The following SBNO2 variants were observed in gnomAD, a reference collection of about 807,000 sequenced individuals.
The protein encoded by SBNO2 is strawberry notch homolog 2.
In SBNO2, 89 loss-of-function variants were observed where a neutral mutation model predicts 146.3. The observed-to-expected ratio is 0.61, with a 90% CI of 0.51 to 0.73. SBNO2 has a LOEUF of 0.73. Among genes scored for constraint, SBNO2 ranks in the 30% least tolerant of loss-of-function variants. The pLI is 0.00. For missense variants in SBNO2, 2,092 were observed against 2,003.7 expected (o/e 1.04, Z -0.84); for synonymous variants, 1,147 against 892.6 (o/e 1.29, Z -5.08).
chr19:1,149,126 C>G (rs988848541), intron 3 of SBNO2, among the ~76,000 whole-genome samples: 22 of 142,642 alleles, frequency 1.5e-4, no homozygotes, highest in Non-Finnish European at 3.2e-4. Flanking sequence ...CCTCCCCGCC[C>G]TCTACCAAGC....
intron 3 of SBNO2, 39 bp downstream of exon 3, chr19:1,149,330 C>G (rs1463391719): frequency 3.9e-6 from 6 of 1,529,804 alleles, no homozygotes; most frequent in Non-Finnish European, 5.3e-6. Context: ...TCAGAATGAG[C>G]AAGCCTGGGG....
Position 1,136,643 on chromosome 19 carries a change from C to T in SBNO2, c.280-8878G>A, listed in dbSNP as rs538140404. ...AATCCCCCTCTCCCTCTCCCTCCTT[C>T]GCTCCCTCATCTCTCTCCCTCTTTT... On this transcript the variant is annotated intron_variant, in intron 4 of 31. Transcript: ENST00000361757. This position sits in a 1 kb window ranked among gnomAD's most constrained non-coding sequence, Gnocchi z 4.2. Among the ~76,000 whole-genome samples the T allele has an allele frequency of 4.5e-4, 69 of 152,338 alleles. No individual in the cohort carries two copies. Among genetic ancestry groups the T allele is most frequent in the East Asian group, 1.9e-4 (1 of 5,186 alleles).
chr19:1,123,455 G>A, intron 7 of SBNO2, 79 bp downstream of exon 7: 3 of 1,187,794 alleles, frequency 2.5e-6, no homozygotes, highest in Admixed American at 1.7e-5. Flanking sequence ...GGCTGTGCGG[G>A]CGGTGGTCAC....
At chr19:1,138,934 G>A (rs1321584239) in intron 4 of SBNO2, among the ~76,000 whole-genome samples, 3 of 149,308 alleles carry the variant, frequency 2.0e-5, no homozygotes, top group African/African-American at 7.4e-5. Flanking sequence ...GACACAGTGG[G>A]GCCCTCCACA....
chr19:1,116,141 G>A, intron 16 of SBNO2, 38 bp from the exon 17 acceptor site: 1 of 1,573,536 alleles, frequency 6.4e-7, no homozygotes, highest in Middle Eastern at 1.8e-4. Context: ...CACACGAGGA[G>A]CTGAGGCCAG....
Position 1,119,586 on chromosome 19 carries a change from G to A in SBNO2, c.1303C>T (p.Arg435Cys). 3 of 1,611,322 alleles carry A rather than the reference G, an allele frequency of 1.9e-6. No homozygotes were observed. The highest frequency in any genetic ancestry group is 2.5e-6 in the Non-Finnish European group (3 of 1,179,018). The change falls in exon 13 of 32, where the codon CGC (arginine) becomes TGC (cysteine). Residue 435 changes from arginine to cysteine, a missense_variant. Physicochemically the swap from Arg to Cys is radical, Grantham distance 180. Coordinates refer to ENST00000361757, the MANE Select transcript of SBNO2 (RefSeq NM_014963.3). ...GTGCCCTCGCCCCAGATACCCAAGC[G>A]GCTCATGTAGATCATGTTCCGAGGC... ...SEPRNMIYMSRLGIWGEGTPF... is the reference protein window; with the variant it reads ...SEPRNMIYMSCLGIWGEGTPF...
chr19:1,130,371 C>T (rs553107543), intron 4 of SBNO2, among the ~76,000 whole-genome samples: 1 of 152,220 alleles, frequency 6.6e-6, no homozygotes, highest in African/African-American at 2.4e-5. Context: ...GGGGGGAGCT[C>T]ACGTCTGCTA....
chr19:1,145,866 GC>G (rs1333924361), intron 4 of SBNO2, among the ~76,000 whole-genome samples: 1 of 152,114 alleles, frequency 6.6e-6, no homozygotes, highest in Non-Finnish European at 1.5e-5. Flanking sequence ...GAGCAGGGGC[GC>G]CCCCCTCCCC....
chr19:1,147,527 C>A (rs1015892711), intron 3 of SBNO2, 107 bp from the exon 4 acceptor site: 2 of 612,446 alleles, frequency 3.3e-6, no homozygotes, highest in African/African-American at 1.9e-5. Context: ...CGAGGCCCCA[C>A]TGGAGTGTGC....
intron 14 of SBNO2, among the ~76,000 whole-genome samples, chr19:1,118,478 T>G (rs986351302): frequency 6.6e-6 from 1 of 152,130 alleles, no homozygotes; most frequent in Non-Finnish European, 1.5e-5. Flanking sequence ...GGCTACCAAC[T>G]GCCAGCTGTG....
In SBNO2 at chr19:1,108,530, G is replaced by A. The variant is rs887590149; in HGVS notation, c.3791C>T (p.Pro1264Leu). The A allele has an allele frequency of 8.9e-5, 108 of 1,219,544 alleles. No homozygotes were observed. The East Asian group carries it at 3.0e-3, about 34-fold the overall frequency. 75.5% of individuals were successfully genotyped at this position (1,219,544 alleles called of 1,614,324 possible). A position where few individuals can be genotyped will look rare whatever the true frequency, so the allele number is the denominator to read the frequency against. ...CGGGGGCGGCGGGAAGGCCTCGGCC[G>A]GGGGGCTGTAGGTGAGGTCCAGCAC... ...GEVLDLTYSPPAEAFPPPPHF... is the reference protein window; with the variant it reads ...GEVLDLTYSPLAEAFPPPPHF... The change falls in exon 32 of 32, where the codon CCG (proline) becomes CTG (leucine). Residue 1264 changes from proline to leucine, a missense_variant. By Grantham distance (98) the Pro-to-Leu change is moderately conservative (BLOSUM62 -3). Transcript: ENST00000361757.
intron 4 of SBNO2, among the ~76,000 whole-genome samples, chr19:1,134,810 G>A (rs1419324566): frequency 6.6e-6 from 1 of 152,102 alleles, no homozygotes; most frequent in African/African-American, 2.4e-5. Flanking sequence ...CACTTTGGGA[G>A]GCCGAGGTGG....
rs765769914 is a variant in SBNO2, at chr19:1,108,710, G to C, written c.3617-6C>G. ...GCCCTCGGGGATCTTGATGCCTGCG[G>C]GCAGAGCGTCGGGGTCAGGGCCGGC... On this transcript the variant is annotated splice_region_variant and splice_polypyrimidine_tract_variant and intron_variant, in intron 31 of 31. Coordinates refer to ENST00000361757, the MANE Select transcript of SBNO2 (RefSeq NM_014963.3). 2.6e-6 allele frequency: 4 copies of C among 1,556,764 alleles called. No individual in the cohort carries two copies. In the South Asian group the frequency reaches 3.5e-5, roughly 14 times the overall value.
chr19:1,157,390 G>GAGACGCTCTCCCCACGCGGCCCCAA lies in SBNO2; in HGVS notation c.-126-2989_-126-2988insTTGGGGCCGCGTGGGGAGAGCGTCT, dbSNP rs2080301309. Among the ~76,000 whole-genome samples, 1 of 136,794 alleles carries GAGACGCTCTCCCCACGCGGCCCCAA rather than the reference G, an allele frequency of 7.3e-6. No individual in the cohort carries two copies. Among genetic ancestry groups the GAGACGCTCTCCCCACGCGGCCCCAA allele is most frequent in the East Asian group, 3.3e-4 (1 of 3,002 alleles). 89.7% of individuals were successfully genotyped at this position (136,794 alleles called of 152,430 possible). On this transcript the variant is annotated intron_variant, in intron 1 of 31. Coordinates refer to ENST00000361757, the MANE Select transcript of SBNO2 (RefSeq NM_014963.3). The surrounding 1 kb of genome is among the most constrained non-coding windows in gnomAD (Gnocchi z 6.8). ...GGAGACCCTCTGCCACGCAGCCCCG[G>GAGACGCTCTCCCCACGCGGCCCCAA]AGACGCTCTCCCCACGCGGCCCCGG...
In SBNO2 at chr19:1,136,715, C is replaced by G. The variant is rs1229128617; in HGVS notation, c.280-8950G>C. Among the ~76,000 whole-genome samples the G allele has an allele frequency of 6.6e-6, 1 of 152,196 alleles. No homozygotes were observed. Among genetic ancestry groups the G allele is most frequent in the Non-Finnish European group, 1.5e-5 (1 of 68,026 alleles). On this transcript the variant is annotated intron_variant, in intron 4 of 31. Transcript: ENST00000361757. The surrounding 1 kb of genome is among the most constrained non-coding windows in gnomAD (Gnocchi z 4.2). The stretch of plus-strand genomic sequence containing the variant: ...GGGGGCTCCGTGGTGCCGGATGGGC[C>G]GAGGCATCTGACCCCTGCTGAAACG...
At position 1,112,560 on chromosome 19, in the gene SBNO2, G is replaced by T; in HGVS notation, c.2380-23C>A. On this transcript the variant is annotated intron_variant, in intron 20 of 31. Transcript: ENST00000361757. This position sits in a 1 kb window ranked among gnomAD's most constrained non-coding sequence, Gnocchi z 5.9. Reference sequence around the variant, plus strand: ...GAGCTAGGGGGAAAGAAGGGGCCGGGACACGGTTGGTGCAAGGCCCGCCCC... The same window carrying T: ...GAGCTAGGGGGAAAGAAGGGGCCGGTACACGGTTGGTGCAAGGCCCGCCCC... 6.3e-7 allele frequency: 1 copy of T among 1,582,006 alleles called. No individual in the cohort carries two copies.
At chr19:1,115,628 C>A (rs934715431) in intron 17 of SBNO2, 1 of 288,692 alleles carries the variant, frequency 3.5e-6, no homozygotes, top group African/African-American at 2.2e-5. Flanking sequence ...GGAGGCCACA[C>A]ACCAGACTTC....
intron 1 of SBNO2, among the ~76,000 whole-genome samples, chr19:1,170,702 G>A (rs2080469011): frequency 6.6e-6 from 1 of 151,914 alleles, no homozygotes; most frequent in Non-Finnish European, 1.5e-5. Context: ...ACATGCACAA[G>A]CAGGGGTGCA....
At chr19:1,172,775 A>AACCCCCCCCCCCCC (rs2080490796) in intron 1 of SBNO2, among the ~76,000 whole-genome samples, 1 of 39,606 alleles carries the variant, frequency 2.5e-5, no homozygotes, top group Non-Finnish European at 3.8e-5. Flanking sequence ...ACTCACTGCA[A>AACCCCCCCCCCCCC]CCGCCCCCCC....
Sources: allele counts gnomAD v4.1 joint callset (sites outside exome capture counted in the v4.1 genomes callset), GRCh38; gene constraint gnomAD v4.1.1; non-coding constraint Gnocchi (gnomAD v3.1); transcripts MANE v1.5; gene names NCBI Gene and HGNC (gene_info 2026-07-23, HGNC 2026-07-21).